Variants in TAFA1 observed in about 807,000 individuals in gnomAD.
TAFA1 encodes the protein TAFA chemokine like family member 1, also known as chemokine-like protein TAFA-1.
A neutral mutation model predicts 18.5 loss-of-function variants in TAFA1; 4 were observed. The ratio of observed to expected loss-of-function variants is 0.22; its 90% CI spans 0.11 to 0.49. The LOEUF (loss-of-function observed/expected upper bound fraction) is 0.49. Ranked by LOEUF, TAFA1 falls within the 20% of genes least tolerant of loss-of-function variation. TAFA1 has a pLI of 0.98. For missense variants in TAFA1, 147 were observed against 169.0 expected, an observed-to-expected ratio of 0.87 and a Z score of 0.72; for synonymous variants, 56 against 55.2, an observed-to-expected ratio of 1.01 and a Z score of -0.06.
chr3:68,365,298 A>G (rs1210043267), intron 2 of TAFA1, among the ~76,000 whole-genome samples: 2 of 152,206 alleles, frequency 1.3e-5, no homozygotes, highest in Admixed American at 6.5e-5. Flanking sequence ...CTCTCTGACT[A>G]TAAAACCCAT....
chr3:68,203,103 C>T (rs915913053), intron 2 of TAFA1, among the ~76,000 whole-genome samples: 3 of 151,608 alleles, frequency 2.0e-5, no homozygotes, highest in Admixed American at 6.6e-5. Flanking sequence ...TCTTTCAACC[C>T]TTCAAATATT....
At chr3:68,122,213 A>T (rs1575628867) in intron 2 of TAFA1, among the ~76,000 whole-genome samples, 2 of 151,812 alleles carry the variant, frequency 1.3e-5, no homozygotes, top group Non-Finnish European at 2.9e-5. Flanking sequence ...TTTAATTCTG[A>T]GGCTTTCTAT....
chr3:68,440,484 A>C (rs9826916), intron 3 of TAFA1, among the ~76,000 whole-genome samples: 62,278 of 152,028 alleles, frequency 0.41, 13,256 homozygotes, highest in African/African-American at 0.43. Context: ...TTTTTAACAA[A>C]AGGAGGAGGA....
At chr3:68,125,202 A>T (rs1043927454) in intron 2 of TAFA1, among the ~76,000 whole-genome samples, 1 of 152,214 alleles carries the variant, frequency 6.6e-6, no homozygotes, top group African/African-American at 2.4e-5. Context: ...ATTTCAGCAC[A>T]GCACTTCTCT....
At chr3:68,156,138 A>G (rs73834861) in intron 2 of TAFA1, among the ~76,000 whole-genome samples, 2,720 of 152,248 alleles carry the variant, frequency 0.018, 92 homozygotes, top group African/African-American at 0.062. Flanking sequence ...AACATGGTAA[A>G]AAAGCACAAG....
At chr3:68,434,125 C>G (rs745850020) in intron 3 of TAFA1, among the ~76,000 whole-genome samples, 1 of 152,104 alleles carries the variant, frequency 6.6e-6, no homozygotes, top group Non-Finnish European at 1.5e-5. Flanking sequence ...TAATCTCTAT[C>G]AACAAAACTG....
intron 2 of TAFA1, among the ~76,000 whole-genome samples, chr3:68,076,688 A>G (rs1299415757): frequency 6.6e-6 from 1 of 152,390 alleles, no homozygotes; most frequent in East Asian, 1.9e-4. Context: ...GTGCCACATT[A>G]TCTTAATCCA....
At chr3:68,140,986 C>T (rs2065661382) in intron 2 of TAFA1, among the ~76,000 whole-genome samples, 1 of 152,120 alleles carries the variant, frequency 6.6e-6, no homozygotes, top group South Asian at 2.1e-4. Flanking sequence ...AAGAAACATA[C>T]CAAACCTGAG....
At chr3:68,388,981 A>G (rs1471935725) in intron 2 of TAFA1, among the ~76,000 whole-genome samples, 1 of 152,202 alleles carries the variant, frequency 6.6e-6, no homozygotes, top group East Asian at 1.9e-4. Context: ...TTGTTTTACA[A>G]TGAAAGTAAG....
chr3:68,220,084 G>T (rs187075638), intron 2 of TAFA1, among the ~76,000 whole-genome samples: 1 of 152,102 alleles, frequency 6.6e-6, no homozygotes, highest in Non-Finnish European at 1.5e-5. Context: ...TGTGTAAGTC[G>T]AAATATGAAC....
At chr3:68,032,569 G>T (rs1575583432) in intron 2 of TAFA1, among the ~76,000 whole-genome samples, 2 of 152,258 alleles carry the variant, frequency 1.3e-5, no homozygotes, top group South Asian at 4.1e-4. Context: ...AAATTCTCCT[G>T]TCCATATCTC....
intron 3 of TAFA1, among the ~76,000 whole-genome samples, chr3:68,526,817 A>G (rs572271769): frequency 5.9e-5 from 9 of 152,284 alleles, no homozygotes; most frequent in East Asian, 1.9e-4. Flanking sequence ...AATTATCCAT[A>G]TGCTTTAAAT....
intron 2 of TAFA1, among the ~76,000 whole-genome samples, chr3:68,089,690 C>A (rs888005890): frequency 1.3e-5 from 2 of 152,120 alleles, no homozygotes; most frequent in African/African-American, 4.8e-5. Flanking sequence ...GTCCTGACCC[C>A]TCTTGCCTAG....
At chr3:68,055,558 A>G (rs1033242342) in intron 2 of TAFA1, among the ~76,000 whole-genome samples, 3 of 152,066 alleles carry the variant, frequency 2.0e-5, no homozygotes, top group Non-Finnish European at 4.4e-5. Context: ...CTCAAGCCAT[A>G]TTAGAACGTG....
intron 2 of TAFA1, among the ~76,000 whole-genome samples, chr3:68,400,709 C>G (rs1174210081): frequency 6.6e-6 from 1 of 152,140 alleles, no homozygotes; most frequent in Non-Finnish European, 1.5e-5. Flanking sequence ...ACTCAACTAT[C>G]AAACTTAGTG....
chr3:68,073,489 A>C (rs932440235), intron 2 of TAFA1, among the ~76,000 whole-genome samples: 1 of 152,212 alleles, frequency 6.6e-6, no homozygotes, highest in Non-Finnish European at 1.5e-5. Flanking sequence ...TGCTAAAGGG[A>C]ACATAAACAT....
At chr3:68,061,331 CTGTT>C (rs1157056147) in intron 2 of TAFA1, among the ~76,000 whole-genome samples, 9 of 152,180 alleles carry the variant, frequency 5.9e-5, no homozygotes, top group Non-Finnish European at 1.3e-4. Flanking sequence ...ATAAATTTCT[CTGTT>C]TGTATAAACT....
chr3:68,477,924 A>G (rs987320728), intron 3 of TAFA1, among the ~76,000 whole-genome samples: 44 of 152,326 alleles, frequency 2.9e-4, no homozygotes, highest in African/African-American at 9.6e-4. Context: ...AATGAGAGGC[A>G]TGGATCATCA....
intron 2 of TAFA1, among the ~76,000 whole-genome samples, chr3:68,094,521 T>G (rs1209558805): frequency 6.6e-6 from 1 of 152,122 alleles, no homozygotes; most frequent in Non-Finnish European, 1.5e-5. Context: ...GAAAGTCAGA[T>G]TTTGTTTGTA....
Sources: gnomAD v4.1 joint callset for allele counts (sites outside exome capture counted in the v4.1 genomes callset) on GRCh38, gnomAD v4.1.1 for gene constraint, MANE v1.5 for transcripts, NCBI Gene and HGNC (gene_info 2026-07-23, HGNC 2026-07-21) for gene names.